Variants in DHCR7 observed in about 807,000 individuals in gnomAD.
DHCR7 encodes the protein 7-DHC reductase.
Under a neutral mutation model 43.3 loss-of-function variants are expected in DHCR7, and 40 were observed. That is an observed-to-expected ratio of 0.92 (90% CI 0.72 to 1.20). The LOEUF (loss-of-function observed/expected upper bound fraction) is 1.20, where lower values mean the gene tolerates loss of function less well. Among genes scored for constraint, DHCR7 ranks in the 50% most tolerant of loss-of-function variants. The pLI is 0.00. For missense variants in DHCR7, 608 were observed against 644.6 expected (o/e 0.94, Z 0.62); for synonymous variants, 298 against 271.4 (o/e 1.10, Z -0.96).
Position 71,442,337 on chromosome 11 carries a change from G to C in DHCR7, c.338C>G (p.Ser113Cys). The change falls in exon 5 of 9, where the codon TCT (serine) becomes TGT (cysteine). Residue 113 changes from serine to cysteine, a missense_variant. By Grantham distance (112) the Ser-to-Cys change is moderately radical. Coordinates refer to ENST00000355527, the MANE Select transcript of DHCR7 (RefSeq NM_001360.3). ...WVTFQVLLYT[S>C]LPDFCHKFLP... The stretch of plus-strand genomic sequence containing the variant: ...AAACTTATGGCAGAAGTCAGGGAGA[G>C]ACGTGTACAGAAGCACCTGAAACAC... 1 of 1,613,856 alleles carries C rather than the reference G, an allele frequency of 6.2e-7. No homozygotes were observed. Among genetic ancestry groups the C allele is most frequent in the Non-Finnish European group, 8.5e-7 (1 of 1,179,912 alleles).
intron 6 of DHCR7, 92 bp from the exon 7 acceptor site, chr11:71,439,175 G>A (rs1278974235): frequency 1.7e-6 from 2 of 1,197,162 alleles, no homozygotes; most frequent in African/African-American, 1.5e-5. Context: ...CACTGGCCCA[G>A]GGTCCTAAAG....
At position 71,442,280 on chromosome 11, in the gene DHCR7, C is replaced by T. The variant is rs751818759; in HGVS notation, c.395G>A (p.Gly132Glu). ...GAGGCTACCTGCAGGAGTCACGGCCCCCTCCTGGATGCCTCCTACGTAGCC... is the reference window on the plus strand; with the variant it reads ...GAGGCTACCTGCAGGAGTCACGGCCTCCTCCTGGATGCCTCCTACGTAGCC... ...LPGYVGGIQEGAVTPAGVVNK... is the reference protein window; with the variant it reads ...LPGYVGGIQEEAVTPAGVVNK... Residue 132 changes from glycine (G) to glutamate (E), a missense_variant, in exon 5 of 9, where the codon GGG (glycine) becomes GAG (glutamate). Gly to Glu is a moderately conservative substitution (Grantham distance 98). Transcript: ENST00000355527. The T allele has an allele frequency of 3.7e-6, 6 of 1,613,286 alleles. No homozygotes were observed. In the South Asian group the frequency reaches 6.6e-5, roughly 18 times the overall value.
intron 8 of DHCR7, among the ~76,000 whole-genome samples, chr11:71,436,249 G>GT (rs1182577862): frequency 6.6e-6 from 1 of 152,220 alleles, no homozygotes; most frequent in African/African-American, 2.4e-5. Flanking sequence ...AGGTTCATAT[G>GT]TTAATCAGTC....
intron 3 of DHCR7, 110 bp from the exon 4 acceptor site, chr11:71,444,325 C>T (rs1227752455): frequency 2.2e-6 from 2 of 902,802 alleles, no homozygotes; most frequent in African/African-American, 1.6e-5. Context: ...ACCAGTACCC[C>T]ATGACAGAAG....
chr11:71,438,067 A>C, intron 7 of DHCR7, 124 bp from the exon 8 acceptor site: 28 of 1,117,144 alleles, frequency 2.5e-5, no homozygotes, highest in Non-Finnish European at 3.1e-5. Flanking sequence ...AACTTCCTCA[A>C]TGCTGGGGCT....
At chr11:71,428,802 G>A (rs1451646546) in exon 3 of DHCR7, 1 of 455,816 alleles carries the variant, frequency 2.2e-6, no homozygotes, top group East Asian at 6.9e-5. Context: ...AGTCTTAAAG[G>A]GAAGGCAGCT....
At chr11:71,443,771 G>GC (rs1949373047) in intron 4 of DHCR7, among the ~76,000 whole-genome samples, 1 of 152,142 alleles carries the variant, frequency 6.6e-6, no homozygotes, top group Non-Finnish European at 1.5e-5. Context: ...ATGCAGGCAT[G>GC]CCGTGAAGGT....
Position 71,438,880 on chromosome 11 carries a change from T to G in DHCR7, c.830A>C (p.Gln277Pro). ...ACCCTCTCCAGCCATGACAGGCACC[T>G]GCAGGACGTTGACCAGGACCATGGC... ...TNAMVLVNVL[Q>P]AIYVIDFFWN... is the part of the protein sequence containing the mutation. The change falls in exon 7 of 9, where the codon CAG (glutamine) becomes CCG (proline). Residue 277 changes from glutamine to proline, a missense_variant and splice_region_variant. By Grantham distance (76) the Gln-to-Pro change is moderately conservative (BLOSUM62 -1). Transcript: ENST00000355527. 6.2e-7 allele frequency: 1 copy of G among 1,613,720 alleles called. No individual in the cohort carries two copies. Among genetic ancestry groups the G allele is most frequent in the Non-Finnish European group, 8.5e-7 (1 of 1,180,006 alleles).
chr11:71,440,746 G>A (rs1949340122), intron 6 of DHCR7, among the ~76,000 whole-genome samples: 1 of 151,766 alleles, frequency 6.6e-6, no homozygotes, highest in African/African-American at 2.4e-5. Context: ...TGGGGAGATG[G>A]GCAGGTGAAT....
chr11:71,433,947 G>A (rs958600199), downstream of DHCR7, among the ~76,000 whole-genome samples: 4 of 152,198 alleles, frequency 2.6e-5, no homozygotes, highest in African/African-American at 7.2e-5. Context: ...TCACAGTTCC[G>A]ATACCCTCCA....
At chr11:71,428,518 T>A (rs1949212041) in exon 3 of DHCR7, 1 of 175,170 alleles carries the variant, frequency 5.7e-6, no homozygotes, top group African/African-American at 2.4e-5. Flanking sequence ...GTTCCCGATC[T>A]TTTCACGGTT....
chr11:71,441,298 G>A lies in DHCR7; in HGVS notation c.555C>T (p.Asn185=), dbSNP rs1949345122. The A allele has an allele frequency of 1.2e-6, 2 of 1,614,252 alleles. No individual in the cohort carries two copies. Among genetic ancestry groups the A allele is most frequent in the Admixed American group, 1.7e-5 (1 of 60,034 alleles). Reference sequence around the variant, plus strand: ...AGGTGGAGACGGCATAGCCAAGGATGTTGGCGCACCACAGCAGTGGGATCC... The same window carrying A: ...AGGTGGAGACGGCATAGCCAAGGATATTGGCGCACCACAGCAGTGGGATCC... ...DNWIPLLWCA[N]ILGYAVSTFA... The change falls in exon 6 of 9, where the codon AAC becomes AAT. Residue 185 remains asparagine (N), a synonymous_variant. Transcript: ENST00000355527.
At chr11:71,448,832 C>T (rs577507805), upstream of DHCR7, 12 of 152,454 alleles carry the variant, frequency 7.9e-5, no homozygotes, top group Admixed American at 6.5e-4. Flanking sequence ...AGACACAGTT[C>T]TTGGTCCTAG....
chr11:71,433,855 C>T (rs553970518), downstream of DHCR7, among the ~76,000 whole-genome samples: 144 of 152,344 alleles, frequency 9.5e-4, 2 homozygotes, highest in Non-Finnish European at 8.8e-5. Flanking sequence ...ATGCACGGGA[C>T]CCCTCAGGCC....
In DHCR7 at chr11:71,444,915, T is replaced by C. The variant is rs764925295; in HGVS notation, c.38A>G (p.Lys13Arg). The stretch of plus-strand genomic sequence containing the variant: ...GTCATTGGTGACGCCATCTAGACTC[T>C]TGGCTTTGGGAATGTTGGGTTGCGA... The part of the protein sequence containing the change: ...AKSQPNIPKA[K>R]SLDGVTNDRT... The change falls in exon 3 of 9, where the codon AAG becomes AGG. Residue 13 changes from lysine (K) to arginine (R), a missense_variant. Lys to Arg is a conservative substitution (Grantham distance 26). Transcript: ENST00000355527. 4.3e-6 allele frequency: 7 copies of C among 1,614,076 alleles called. No homozygotes were observed. The Admixed American group carries it at 1.2e-4, about 27-fold the overall frequency.
intron 2 of DHCR7, among the ~76,000 whole-genome samples, chr11:71,446,506 A>C (rs1337312518): frequency 6.6e-6 from 1 of 152,240 alleles, no homozygotes; most frequent in East Asian, 1.9e-4. Context: ...AGGTACAAAC[A>C]ACAACACAAA....
intron 7 of DHCR7, 65 bp from the exon 8 acceptor site, chr11:71,438,008 A>C (rs1042748485): frequency 5.8e-5 from 93 of 1,596,142 alleles, no homozygotes; most frequent in Non-Finnish European, 7.2e-5. Flanking sequence ...ACCTCGGGGA[A>C]ATCACACTCC....
At chr11:71,442,649 T>TTATA (rs1489233650) in intron 4 of DHCR7, among the ~76,000 whole-genome samples, 13 of 151,812 alleles carry the variant, frequency 8.6e-5, no homozygotes, top group Admixed American at 8.5e-4. Flanking sequence ...ATTCAACTTT[T>TTATA]TATATATATA....
downstream of DHCR7, among the ~76,000 whole-genome samples, chr11:71,429,652 AC>A (rs908101081): frequency 1.3e-5 from 2 of 152,128 alleles, no homozygotes; most frequent in African/African-American, 4.8e-5. Context: ...AAGTCGAGTA[AC>A]CTTTCAGATG....
Sources: allele counts gnomAD v4.1 joint callset (sites outside exome capture counted in the v4.1 genomes callset), GRCh38; gene constraint gnomAD v4.1.1; transcripts MANE v1.5; gene names NCBI Gene and HGNC (gene_info 2026-07-23, HGNC 2026-07-21).